SNTB1: variants seen among roughly 807,000 people sequenced by gnomAD.
The protein encoded by SNTB1 is syntrophin beta 1, also known as beta-1-syntrophin.
Under a neutral mutation model 48.9 loss-of-function variants are expected in SNTB1, and 36 were observed. The ratio of observed to expected loss-of-function variants is 0.74; its 90% CI spans 0.56 to 0.97. The LOEUF (loss-of-function observed/expected upper bound fraction) is 0.97, where lower values mean the gene tolerates loss of function less well. Among genes scored for constraint, SNTB1 ranks in the 50% least tolerant of loss-of-function variants. SNTB1 has a pLI of 0.00. For synonymous variants in SNTB1, 299 were observed against 294.6 expected, an observed-to-expected ratio of 1.01 and a Z score of -0.15; for missense variants, 786 against 703.4, an observed-to-expected ratio of 1.12 and a Z score of -1.33.
At position 120,574,576 on chromosome 8, in the gene SNTB1, G is replaced by A. The variant is rs550237941; in HGVS notation, c.1136+510C>T. On this transcript the variant is annotated intron_variant, in intron 4 of 6. Transcript: ENST00000517992. ...CATATTTCACATGAATAATAAATGT[G>A]CACTGAAGGACCTGAAAAACCGAGC... Among the ~76,000 whole-genome samples the A allele has an allele frequency of 2.4e-4, 36 of 152,214 alleles. No homozygotes were observed. The South Asian group carries it at 6.2e-3, about 26-fold the overall frequency.
In SNTB1 at chr8:120,536,352, A is replaced by G. The variant is rs1182415369; in HGVS notation, c.*2525T>C. 8 of 152,366 alleles carry G rather than the reference A, an allele frequency of 5.3e-5. No individual in the cohort carries two copies. Among genetic ancestry groups the G allele is most frequent in the African/African-American group, 1.9e-4 (8 of 41,588 alleles). The allele number at this position is 152,366 out of a possible 1,614,324, so 9.4% of individuals were successfully genotyped here. ...GGATTGAGCACAGAGCAAATTGGAC[A>G]AAAACAAATTCCTCAAAGTGACTCG... On this transcript the variant is annotated 3_prime_UTR_variant, in exon 7 of 7. Coordinates refer to ENST00000517992, the MANE Select transcript of SNTB1 (RefSeq NM_021021.4).
chr8:120,551,899 T>C (rs574293752), intron 4 of SNTB1, among the ~76,000 whole-genome samples: 1 of 152,168 alleles, frequency 6.6e-6, no homozygotes, highest in African/African-American at 2.4e-5. Flanking sequence ...TTAAATATAG[T>C]AAAATATACA....
At chr8:120,685,177 G>A (rs1252126269) in intron 2 of SNTB1, among the ~76,000 whole-genome samples, 1 of 152,216 alleles carries the variant, frequency 6.6e-6, no homozygotes, top group Non-Finnish European at 1.5e-5. Flanking sequence ...GGGAGGTCTT[G>A]TCCCTGAGGT....
intron 4 of SNTB1, among the ~76,000 whole-genome samples, chr8:120,568,645 G>C (rs1347513520): frequency 1.3e-5 from 2 of 152,206 alleles, no homozygotes; most frequent in Non-Finnish European, 2.9e-5. Context: ...TCCCAGCTCT[G>C]CCATTTCCAG....
intron 1 of SNTB1, among the ~76,000 whole-genome samples, chr8:120,774,648 T>TGTTC (rs1221690907): frequency 6.0e-5 from 9 of 150,064 alleles, no homozygotes; most frequent in African/African-American, 1.5e-4. Context: ...TTTGTTTGCT[T>TGTTC]GTTTGTTTGT....
chr8:120,616,276 A>G (rs1200004651), intron 3 of SNTB1, among the ~76,000 whole-genome samples: 5 of 149,958 alleles, frequency 3.3e-5, no homozygotes, highest in Admixed American at 1.3e-4. Context: ...TTGACTCAAC[A>G]CTGGTGCTTA....
At chr8:120,694,902 A>G (rs1818187035) in intron 1 of SNTB1, among the ~76,000 whole-genome samples, 1 of 152,152 alleles carries the variant, frequency 6.6e-6, no homozygotes, top group Non-Finnish European at 1.5e-5. Context: ...ATAAATCTTA[A>G]GAAAACAAAA....
In SNTB1 at chr8:120,721,614, A is replaced by G. The variant is rs559052629; in HGVS notation, c.572-27706T>C. The stretch of plus-strand genomic sequence containing the variant: ...ACTTACAAAATAAATTCATATAAAT[A>G]TAACCATAATGCCATTTTTTATTTA... On this transcript the variant is annotated intron_variant, in intron 1 of 6. Coordinates refer to ENST00000517992, the MANE Select transcript of SNTB1 (RefSeq NM_021021.4). Among the ~76,000 whole-genome samples, 4 of 152,348 alleles carry G rather than the reference A, an allele frequency of 2.6e-5. No individual in the cohort carries two copies. The South Asian group carries it at 8.3e-4, about 32-fold the overall frequency.
At chr8:120,790,703 CAGG>C (rs756330881) in intron 1 of SNTB1, among the ~76,000 whole-genome samples, 2 of 151,490 alleles carry the variant, frequency 1.3e-5, no homozygotes, top group African/African-American at 2.4e-5. Context: ...AGATGTCTAC[CAGG>C]AGAACTACAA....
At chr8:120,796,522 A>T (rs890870911) in intron 1 of SNTB1, among the ~76,000 whole-genome samples, 1 of 152,012 alleles carries the variant, frequency 6.6e-6, no homozygotes, top group Non-Finnish European at 1.5e-5. Flanking sequence ...ACAGGTCTGG[A>T]GTTAAAAACT....
At chr8:120,669,049 T>A (rs1052623167) in intron 2 of SNTB1, among the ~76,000 whole-genome samples, 6 of 152,192 alleles carry the variant, frequency 3.9e-5, no homozygotes, top group Non-Finnish European at 8.8e-5. Context: ...TTGGACTGCA[T>A]ACAACCATCA....
At chr8:120,809,670 A>G (rs1300901005) in intron 1 of SNTB1, among the ~76,000 whole-genome samples, 1 of 151,718 alleles carries the variant, frequency 6.6e-6, no homozygotes, top group Non-Finnish European at 1.5e-5. Context: ...GGTGCCCAAC[A>G]GTTTATAGTC....
chr8:120,636,737 T>C (rs1817086188), intron 2 of SNTB1: 1 of 152,440 alleles, frequency 6.6e-6, no homozygotes, highest in Admixed American at 6.6e-5. Context: ...GCATGATTTA[T>C]AATCCTTTGG....
chr8:120,678,158 TTAA>T (rs1364583809), intron 2 of SNTB1, among the ~76,000 whole-genome samples: 1 of 152,192 alleles, frequency 6.6e-6, no homozygotes, highest in African/African-American at 2.4e-5. Context: ...TGAAAGTAAA[TTAA>T]TGTTAAAAAA....
At chr8:120,583,560 C>CACACACACACACACAA (rs1466831833) in intron 3 of SNTB1, among the ~76,000 whole-genome samples, 1 of 134,712 alleles carries the variant, frequency 7.4e-6, no homozygotes, top group African/African-American at 2.7e-5. Flanking sequence ...CACACACACA[C>CACACACACACACACAA]AAAACTGGAA....
chr8:120,598,227 T>C (rs112552299), intron 3 of SNTB1, among the ~76,000 whole-genome samples: 2,862 of 152,268 alleles, frequency 0.019, 99 homozygotes, highest in African/African-American at 0.066. Context: ...AGGAAGAGTC[T>C]CAATTCTTCT....
chr8:120,688,829 G>A (rs1463629152), intron 2 of SNTB1, among the ~76,000 whole-genome samples: 2 of 152,164 alleles, frequency 1.3e-5, no homozygotes, highest in Non-Finnish European at 2.9e-5. Flanking sequence ...GCAGGTGACA[G>A]GGAGCCATTT....
chr8:120,712,847 G>C (rs1230183729), intron 1 of SNTB1, among the ~76,000 whole-genome samples: 3 of 152,134 alleles, frequency 2.0e-5, no homozygotes, highest in Admixed American at 2.0e-4. Context: ...AACTTCTTAT[G>C]CTGCACAGTA....
chr8:120,740,478 C>T (rs141951959), intron 1 of SNTB1, among the ~76,000 whole-genome samples: 82 of 152,228 alleles, frequency 5.4e-4, no homozygotes, highest in African/African-American at 1.9e-3. Context: ...AAGAGGATGC[C>T]AGAAGAAATT....
Sources: allele counts gnomAD v4.1 joint callset (sites outside exome capture counted in the v4.1 genomes callset), GRCh38; gene constraint gnomAD v4.1.1; transcripts MANE v1.5; gene names NCBI Gene and HGNC (gene_info 2026-07-23, HGNC 2026-07-21).